Variants in MRPS14 observed in about 807,000 individuals in gnomAD.
MRPS14 encodes the protein small ribosomal subunit protein uS14m.
Under a neutral mutation model 16.4 loss-of-function variants are expected in MRPS14, and 14 were observed. That is an observed-to-expected ratio of 0.85 (90% CI 0.56 to 1.33). The LOEUF (loss-of-function observed/expected upper bound fraction) is 1.33, where lower values mean the gene tolerates loss of function less well. Ranked by LOEUF, MRPS14 falls within the 40% of genes most tolerant of loss-of-function variation. The pLI is 0.00. For synonymous variants in MRPS14, 54 were observed against 61.9 expected (o/e 0.87, Z 0.60); for missense variants, 162 against 176.8 (o/e 0.92, Z 0.48).
At chr1:175,023,306 G>T (rs1178854470) in intron 1 of MRPS14, 58 bp downstream of exon 1, 1 of 1,598,852 alleles carries the variant, frequency 6.3e-7, no homozygotes, top group East Asian at 2.2e-5. Context: ...TGGGGGACCC[G>T]TGGGTTATGA....
At chr1:175,023,256 C>T (rs769445531) in intron 1 of MRPS14, 108 bp downstream of exon 1, 1 of 1,560,714 alleles carries the variant, frequency 6.4e-7, no homozygotes, top group East Asian at 2.4e-5. Flanking sequence ...AGGAGAACCC[C>T]TGGACTGGTC....
chr1:175,023,216 G>C (rs1673012348), intron 1 of MRPS14, 148 bp downstream of exon 1: 6 of 1,543,004 alleles, frequency 3.9e-6, no homozygotes, highest in Non-Finnish European at 4.4e-6. Flanking sequence ...GACCTCCCCT[G>C]AACCAAGCCC....
At position 175,018,578 on chromosome 1, in the gene MRPS14, T is replaced by C; in HGVS notation, c.46-2A>G. The stretch of plus-strand genomic sequence containing the variant: ...GCCTGAAGCTGATGAAGGAACCATC[T>C]GAAAGACAGAGACAAGGGACAAGTG... On this transcript the variant is annotated splice_acceptor_variant, in intron 1 of 2. Coordinates refer to ENST00000476371, the MANE Select transcript of MRPS14 (RefSeq NM_022100.3). LOFTEE classifies it high-confidence loss of function. The C allele has an allele frequency of 6.3e-7, 1 of 1,590,868 alleles. No individual in the cohort carries two copies.
intron 1 of MRPS14, among the ~76,000 whole-genome samples, chr1:175,021,556 T>C (rs1481262245): frequency 6.6e-6 from 1 of 152,230 alleles, no homozygotes; most frequent in Non-Finnish European, 1.5e-5. Context: ...CTTCTGGGAC[T>C]TTCAATCCAT....
chr1:175,015,945 C>T (rs1235096817), intron 2 of MRPS14, among the ~76,000 whole-genome samples: 3 of 152,188 alleles, frequency 2.0e-5, no homozygotes, highest in Non-Finnish European at 4.4e-5. Context: ...CGCCTATAAT[C>T]CCAGCACTTT....
intron 1 of MRPS14, among the ~76,000 whole-genome samples, chr1:175,019,839 G>C (rs887970857): frequency 8.5e-5 from 13 of 152,086 alleles, no homozygotes; most frequent in African/African-American, 3.1e-4. Flanking sequence ...TGCCCCTATA[G>C]AAAAATGATG....
Position 175,014,713 on chromosome 1 carries a change from C to A in MRPS14, c.343G>T (p.Ala115Ser). Residue 115 changes from alanine to serine, a missense_variant, in exon 3 of 3, where the codon GCT becomes TCT. Physicochemically the swap from Ala to Ser is moderately conservative, Grantham distance 99. Coordinates refer to ENST00000476371, the MANE Select transcript of MRPS14 (RefSeq NM_022100.3). ...RLSRIVFRHLADHGQLSGIQR... is the reference protein window; with the variant it reads ...RLSRIVFRHLSDHGQLSGIQR... ...ATCCCAGAAAGTTGCCCATGGTCAG[C>A]TAAGTGACGGAAGACTATACGACTA... The A allele has an allele frequency of 1.9e-6, 3 of 1,613,916 alleles. No homozygotes were observed. Among genetic ancestry groups the A allele is most frequent in the Non-Finnish European group, 2.5e-6 (3 of 1,179,948 alleles).
At position 175,014,607 on chromosome 1, in the gene MRPS14, T is replaced by G; in HGVS notation, c.*62A>C. On this transcript the variant is annotated 3_prime_UTR_variant, in exon 3 of 3. Transcript: ENST00000476371. ...TTAGGGTTTGGTCTATTAAAAAAAA[T>G]CTTTGCTTGCTGGAACTGCAAGCTT... 6.5e-7 allele frequency: 1 copy of G among 1,528,252 alleles called. No individual in the cohort carries two copies. The highest frequency in any genetic ancestry group is 8.8e-7 in the Non-Finnish European group (1 of 1,137,424). The allele number at this position is 1,528,252 out of a possible 1,614,324, so 94.7% of individuals were successfully genotyped here. A position where few individuals can be genotyped will look rare whatever the true frequency, so the allele number is the denominator to read the frequency against.
chr1:175,013,700 CAT>C lies in MRPS14; in HGVS notation c.*967_*968del, dbSNP rs1672825919. 1.3e-5 allele frequency: 2 copies of C among 152,338 alleles called. No homozygotes were observed. Among genetic ancestry groups the C allele is most frequent in the Non-Finnish European group, 2.9e-5 (2 of 68,040 alleles). The allele number at this position is 152,338 out of a possible 1,614,324, so 9.4% of individuals were successfully genotyped here. A position where few individuals can be genotyped will look rare whatever the true frequency, so the allele number is the denominator to read the frequency against. ...TGGTATGTCAGTCTTAATTCCTTCA[CAT>C]GATTTGTGAGATCCTCCACAATACG... On this transcript the variant is annotated 3_prime_UTR_variant, in exon 3 of 3. Transcript: ENST00000476371.
intron 2 of MRPS14, among the ~76,000 whole-genome samples, chr1:175,015,954 T>C (rs982972782): frequency 6.6e-6 from 1 of 152,152 alleles, no homozygotes; most frequent in Non-Finnish European, 1.5e-5. Flanking sequence ...TCCCAGCACT[T>C]TGGGACGCCG....
chr1:175,015,066 G>GC (rs1313128468), intron 2 of MRPS14, among the ~76,000 whole-genome samples: 4 of 151,124 alleles, frequency 2.6e-5, no homozygotes, highest in African/African-American at 7.3e-5. Context: ...TCCTGCCTCA[G>GC]CCTCCCGAGT....
chr1:175,018,110 C>A (rs1255606427), intron 2 of MRPS14, among the ~76,000 whole-genome samples: 3 of 150,784 alleles, frequency 2.0e-5, no homozygotes, highest in Non-Finnish European at 2.9e-5. Context: ...GGGAACAGAG[C>A]GAGACTCCAT....
Position 175,014,858 on chromosome 1 carries a change from G to C in MRPS14, c.205-7C>G. 1 of 1,613,432 alleles carries C rather than the reference G, an allele frequency of 6.2e-7. No individual in the cohort carries two copies. The highest frequency in any genetic ancestry group is 8.5e-7 in the Non-Finnish European group (1 of 1,179,744). ...TTTCTTCATCAGCCACATCCTAAGGGAAATCACATTATTACACAGATCACA... is the reference window on the plus strand; with the variant it reads ...TTTCTTCATCAGCCACATCCTAAGGCAAATCACATTATTACACAGATCACA... On this transcript the variant is annotated splice_region_variant and splice_polypyrimidine_tract_variant and intron_variant, in intron 2 of 2. Transcript: ENST00000476371.
chr1:175,023,425 T>G lies in MRPS14; in HGVS notation c.-17A>C. On this transcript the variant is annotated 5_prime_UTR_variant, in exon 1 of 3. Coordinates refer to ENST00000476371, the MANE Select transcript of MRPS14 (RefSeq NM_022100.3). ...GGCCGCCATGTTGTCCGCTACAAACTACAAACCGCTGAAACTTTATTGACA... is the reference window on the plus strand; with the variant it reads ...GGCCGCCATGTTGTCCGCTACAAACGACAAACCGCTGAAACTTTATTGACA... The G allele has an allele frequency of 6.2e-7, 1 of 1,613,770 alleles. No homozygotes were observed. The highest frequency in any genetic ancestry group is 1.1e-5 in the South Asian group (1 of 91,016).
chr1:175,016,728 T>C (rs572336766), intron 2 of MRPS14, among the ~76,000 whole-genome samples: 1 of 152,346 alleles, frequency 6.6e-6, no homozygotes, highest in South Asian at 2.1e-4. Context: ...ACATATACAT[T>C]GTGAAATGAT....
rs1286391727 is a variant in MRPS14, at chr1:175,014,007, AATAAAC to A, written c.*656_*661del. The A allele has an allele frequency of 1.3e-5, 2 of 152,396 alleles. No individual in the cohort carries two copies. Among genetic ancestry groups the A allele is most frequent in the South Asian group, 2.1e-4 (1 of 4,828 alleles). The allele number at this position is 152,396 out of a possible 1,614,324, so 9.4% of individuals were successfully genotyped here. A position where few individuals can be genotyped will look rare whatever the true frequency, so the allele number is the denominator to read the frequency against. On this transcript the variant is annotated 3_prime_UTR_variant, in exon 3 of 3. Coordinates refer to ENST00000476371, the MANE Select transcript of MRPS14 (RefSeq NM_022100.3). ...CCTTACTCATTTCTGTTATGGATTAAATAAACATAAAAATAGGGAATATATACTGTT... is the reference window on the plus strand; with the variant it reads ...CCTTACTCATTTCTGTTATGGATTAAATAAAAATAGGGAATATATACTGTT...
intron 2 of MRPS14, among the ~76,000 whole-genome samples, chr1:175,016,207 AC>A (rs1289890518): frequency 3.3e-5 from 5 of 151,826 alleles, no homozygotes; most frequent in African/African-American, 9.7e-5. Flanking sequence ...AAAAAAAAAA[AC>A]AAAAAAAAAC....
intron 2 of MRPS14, among the ~76,000 whole-genome samples, chr1:175,016,207 A>C (rs1457558974): frequency 2.6e-5 from 4 of 151,938 alleles, no homozygotes; most frequent in Admixed American, 6.5e-5. Flanking sequence ...AAAAAAAAAA[A>C]CAAAAAAAAA....
rs191435480 is a variant in MRPS14, at chr1:175,018,759, T to A, written c.46-183A>T. ...ATTTATTCAGAATAAATAACTTTTA[T>A]GGATGTATATTAAGTCAAAATCATA... On this transcript the variant is annotated intron_variant, in intron 1 of 2. Transcript: ENST00000476371. Among the ~76,000 whole-genome samples the A allele has an allele frequency of 3.3e-5, 5 of 152,340 alleles. No individual in the cohort carries two copies. The East Asian group carries it at 9.6e-4, about 29-fold the overall frequency.
Sources: allele counts gnomAD v4.1 joint callset (sites outside exome capture counted in the v4.1 genomes callset), GRCh38; gene constraint gnomAD v4.1.1; transcripts MANE v1.5; gene names NCBI Gene and HGNC (gene_info 2026-07-23, HGNC 2026-07-21).